Variants in SHCBP1 observed in about 807,000 individuals in gnomAD.
SHCBP1 encodes the protein SHC SH2 domain-binding protein 1.
A neutral mutation model predicts 75.1 loss-of-function variants in SHCBP1; 60 were observed. The observed-to-expected ratio is 0.80, with a 90% CI of 0.65 to 0.99. The LOEUF (loss-of-function observed/expected upper bound fraction) is 0.99. SHCBP1 is among the 50% of genes least tolerant of loss of function. The probability of loss-of-function intolerance (pLI) is 0.00; values close to 1 mark genes in which losing one functional copy is unlikely to be tolerated. For missense variants in SHCBP1, 709 were observed against 809.4 expected (o/e 0.88, Z 1.50); for synonymous variants, 290 against 293.2 (o/e 0.99, Z 0.11).
chr16:46,591,266 T>C (rs1036205797), intron 10 of SHCBP1, among the ~76,000 whole-genome samples: 3 of 152,078 alleles, frequency 2.0e-5, no homozygotes, highest in Non-Finnish European at 2.9e-5. Context: ...TGTATACATA[T>C]GTAACAAACC....
chr16:46,617,811 T>C (rs997277593), intron 2 of SHCBP1, 62 bp from the exon 3 acceptor site: 1 of 1,259,034 alleles, frequency 7.9e-7, no homozygotes, highest in African/African-American at 1.5e-5. Flanking sequence ...AGTTAATAAA[T>C]CCACTTTCTC....
intron 5 of SHCBP1, among the ~76,000 whole-genome samples, chr16:46,606,615 A>G (rs1338903841): frequency 6.6e-6 from 1 of 152,226 alleles, no homozygotes; most frequent in Non-Finnish European, 1.5e-5. Context: ...AAAATCAATC[A>G]TTTCTTTTTA....
Position 46,618,363 on chromosome 16 carries a change from T to G in SHCBP1, c.113A>C (p.Gln38Pro). The change falls in exon 2 of 13, where the codon CAA (glutamine) becomes CCA (proline). Residue 38 changes from glutamine to proline, a missense_variant. By Grantham distance (76) the Gln-to-Pro change is moderately conservative. Coordinates refer to ENST00000303383, the MANE Select transcript of SHCBP1 (RefSeq NM_024745.5). ...ACAATCACTGCATGAATCTTCATCTTGGAACAAACCTAAAAAAAAAAAGCA... is the reference window on the plus strand; with the variant it reads ...ACAATCACTGCATGAATCTTCATCTGGGAACAAACCTAAAAAAAAAAAGCA... ...ELASLEKGLF[Q>P]DEDSCSDCSY... 1 of 1,591,456 alleles carries G rather than the reference T, an allele frequency of 6.3e-7. No homozygotes were observed. Among genetic ancestry groups the G allele is most frequent in the Non-Finnish European group, 8.5e-7 (1 of 1,173,280 alleles).
intron 10 of SHCBP1, 129 bp downstream of exon 10, chr16:46,595,423 T>TTGACTGACTTGGTAGAGA: frequency 1.3e-6 from 1 of 777,184 alleles, no homozygotes; most frequent in Non-Finnish European, 2.2e-6. Flanking sequence ...ACAGTTGAGT[T>TTGACTGACTTGGTAGAGA]TGACTGACTT....
chr16:46,613,090 GGAGGACTGCTTGAGCCCA>G (rs1198085229), intron 4 of SHCBP1, among the ~76,000 whole-genome samples: 4 of 152,128 alleles, frequency 2.6e-5, no homozygotes, highest in Non-Finnish European at 5.9e-5. Flanking sequence ...GACTGAGGTG[GGAGGACTGCTTGAGCCCA>G]GGAGTTCGAG....
At chr16:46,619,350 TC>T (rs1965550933) in intron 1 of SHCBP1, among the ~76,000 whole-genome samples, 1 of 152,116 alleles carries the variant, frequency 6.6e-6, no homozygotes, top group Non-Finnish European at 1.5e-5. Flanking sequence ...TTTTTCTCCC[TC>T]CCCCTTGATT....
chr16:46,585,153 A>AT (rs1227306708), intron 10 of SHCBP1, among the ~76,000 whole-genome samples: 1 of 152,206 alleles, frequency 6.6e-6, no homozygotes, highest in Non-Finnish European at 1.5e-5. Context: ...ACTGTCAGGA[A>AT]TCACATAAAA....
In SHCBP1 at chr16:46,621,091, C is replaced by T. The variant is rs1368723045; in HGVS notation, c.103+166G>A. The stretch of plus-strand genomic sequence containing the variant: ...GAGGGAGTCCCCCACCCCTGGGTAC[C>T]GCCCGACTTTGAGGTCCCGTCACTG... On this transcript the variant is annotated intron_variant, in intron 1 of 12. Coordinates refer to ENST00000303383, the MANE Select transcript of SHCBP1 (RefSeq NM_024745.5). Among the ~76,000 whole-genome samples the T allele has an allele frequency of 2.6e-5, 4 of 152,200 alleles. No individual in the cohort carries two copies. The East Asian group carries it at 7.7e-4, about 29-fold the overall frequency.
chr16:46,619,657 G>A (rs1206783699), intron 1 of SHCBP1, among the ~76,000 whole-genome samples: 1 of 152,180 alleles, frequency 6.6e-6, no homozygotes, highest in Non-Finnish European at 1.5e-5. Flanking sequence ...TAGTACTTCA[G>A]CACCATTCTT....
chr16:46,600,965 G>A (rs1225481184), intron 8 of SHCBP1, among the ~76,000 whole-genome samples: 2 of 151,726 alleles, frequency 1.3e-5, no homozygotes, highest in South Asian at 2.1e-4. Context: ...AGAGGAGATC[G>A]TGCCACTGCA....
At chr16:46,591,068 C>T (rs1262793276) in intron 10 of SHCBP1, among the ~76,000 whole-genome samples, 7 of 152,080 alleles carry the variant, frequency 4.6e-5, no homozygotes, top group African/African-American at 1.7e-4. Flanking sequence ...ATCGCAAGGA[C>T]AGAAAACCAA....
chr16:46,592,951 C>CAAAAAA, intron 10 of SHCBP1, among the ~76,000 whole-genome samples: 505 of 22,570 alleles, frequency 0.022, 37 homozygotes, highest in African/African-American at 0.035. Context: ...TAAAAATTCT[C>CAAAAAA]AAAAAAAAAA....
chr16:46,585,878 TAAG>T (rs1964948349), intron 10 of SHCBP1, among the ~76,000 whole-genome samples: 2 of 152,020 alleles, frequency 1.3e-5, no homozygotes, highest in Non-Finnish European at 2.9e-5. Flanking sequence ...TACATAGCAG[TAAG>T]AAGGAGCTCC....
rs764042807 is a variant in SHCBP1 at position 46,599,838 on chromosome 16, T to C, written c.1338A>G (p.Gly446=). 1.0e-5 allele frequency: 16 copies of C among 1,600,310 alleles called. No individual in the cohort carries two copies. Among genetic ancestry groups the C allele is most frequent in the Non-Finnish European group, 1.1e-5 (13 of 1,175,560 alleles). The change falls in exon 9 of 13, where the codon GGA becomes GGG. Residue 446 remains glycine (G), a synonymous_variant. Transcript: ENST00000303383. ...IKFVQHDAVE[G]ILIVHRGKTT... is the part of the protein sequence containing the mutation. ...AAACATTCAGATACTTACTTAAGATTCCCTCTACAGCATCATGCTGAACAA... is the reference window on the plus strand; with the variant it reads ...AAACATTCAGATACTTACTTAAGATCCCCTCTACAGCATCATGCTGAACAA...
In SHCBP1 at chr16:46,616,225, C is replaced by T; in HGVS notation, c.388-71G>A. 2.0e-6 allele frequency: 3 copies of T among 1,477,214 alleles called. No individual in the cohort carries two copies. Among genetic ancestry groups the T allele is most frequent in the African/African-American group, 1.4e-5 (1 of 71,432 alleles). The allele number at this position is 1,477,214 out of a possible 1,614,324, so 91.5% of individuals were successfully genotyped here. A position where few individuals can be genotyped will look rare whatever the true frequency, so the allele number is the denominator to read the frequency against. ...AGATACACCTATAAGACACTACTGA[C>T]AACCTGATTTTTTTAAAAGCATACA... On this transcript the variant is annotated intron_variant, in intron 3 of 12. Coordinates refer to ENST00000303383, the MANE Select transcript of SHCBP1 (RefSeq NM_024745.5). The surrounding 1 kb of genome is among the most constrained non-coding windows in gnomAD (Gnocchi z 4.4).
intron 1 of SHCBP1, among the ~76,000 whole-genome samples, chr16:46,618,911 CTTAG>C (rs1596693116): frequency 6.6e-6 from 1 of 152,236 alleles, no homozygotes; most frequent in South Asian, 2.1e-4. Flanking sequence ...AATCAAGTAT[CTTAG>C]TTATTTATTT....
intron 10 of SHCBP1, among the ~76,000 whole-genome samples, chr16:46,587,996 G>C (rs376050607): frequency 1.1e-4 from 16 of 152,120 alleles, no homozygotes; most frequent in Admixed American, 4.6e-4. Context: ...AACTAGAACT[G>C]AGGATTAAGA....
At chr16:46,597,036 A>G (rs1384642606) in intron 9 of SHCBP1, among the ~76,000 whole-genome samples, 1 of 152,160 alleles carries the variant, frequency 6.6e-6, no homozygotes, top group African/African-American at 2.4e-5. Context: ...CTTCATAAAT[A>G]ATCAGTCTTC....
chr16:46,618,577 G>A (rs2334118), intron 1 of SHCBP1, among the ~76,000 whole-genome samples: 3 of 119,368 alleles, frequency 2.5e-5, no homozygotes, highest in Admixed American at 8.1e-5. Context: ...AACAATAAGC[G>A]CTTAAGATCT....
Sources: allele counts gnomAD v4.1 joint callset (sites outside exome capture counted in the v4.1 genomes callset), GRCh38; gene constraint gnomAD v4.1.1; non-coding constraint Gnocchi (gnomAD v3.1); transcripts MANE v1.5; gene names NCBI Gene and HGNC (gene_info 2026-07-23, HGNC 2026-07-21).